The following MAPK10 variants were observed in gnomAD, a reference collection of about 807,000 sequenced individuals.
The protein encoded by MAPK10 is mitogen-activated protein kinase 10.
A neutral mutation model predicts 59.3 loss-of-function variants in MAPK10; 25 were observed. The ratio of observed to expected loss-of-function variants is 0.42; its 90% CI spans 0.31 to 0.59. The LOEUF (loss-of-function observed/expected upper bound fraction) is 0.59, where lower values mean the gene tolerates loss of function less well. MAPK10 is among the 20% of genes least tolerant of loss of function. The pLI, the probability that MAPK10 is intolerant of heterozygous loss-of-function variation, is 0.15. For missense variants in MAPK10, 351 were observed against 568.9 expected, an observed-to-expected ratio of 0.62 and a Z score of 3.90; for synonymous variants, 190 against 200.5, an observed-to-expected ratio of 0.95 and a Z score of 0.44.
At chr4:86,227,779 C>G (rs546778107) in intron 2 of MAPK10, among the ~76,000 whole-genome samples, 2 of 152,336 alleles carry the variant, frequency 1.3e-5, no homozygotes, top group African/African-American at 4.8e-5. Flanking sequence ...GCCTGGCTCT[C>G]TATCCCTGTT....
chr4:86,581,899 T>TTATATATATATA (rs67303972), intron 1 of MAPK10, among the ~76,000 whole-genome samples: 4 of 91,578 alleles, frequency 4.4e-5, no homozygotes, highest in Non-Finnish European at 8.1e-5. Flanking sequence ...GCTATATATA[T>TTATATATATATA]TATATATATA....
At chr4:86,151,318 T>C (rs2066422417) in intron 4 of MAPK10, among the ~76,000 whole-genome samples, 4 of 152,112 alleles carry the variant, frequency 2.6e-5, no homozygotes, top group Admixed American at 2.6e-4. Flanking sequence ...GGAGCTTTCA[T>C]GAAAGTTGTA....
chr4:86,534,420 A>C (rs1446038198), intron 1 of MAPK10, among the ~76,000 whole-genome samples: 1 of 152,138 alleles, frequency 6.6e-6, no homozygotes, highest in East Asian at 1.9e-4. Context: ...TGGAAGACAA[A>C]AGAAACATTA....
At chr4:86,544,354 G>A (rs570742943) in intron 1 of MAPK10, among the ~76,000 whole-genome samples, 59 of 152,256 alleles carry the variant, frequency 3.9e-4, no homozygotes, top group Non-Finnish European at 7.6e-4. Flanking sequence ...AACTTTTTTG[G>A]GGGAATAAAA....
At chr4:86,452,521 GCACA>G (rs140253045) in intron 1 of MAPK10, among the ~76,000 whole-genome samples, 7 of 148,188 alleles carry the variant, frequency 4.7e-5, no homozygotes, top group East Asian at 2.0e-4. Flanking sequence ...CAATGCGCAC[GCACA>G]CACACACACA....
intron 11 of MAPK10, among the ~76,000 whole-genome samples, chr4:86,050,619 G>GT (rs1241647905): frequency 1.3e-5 from 2 of 152,042 alleles, no homozygotes; most frequent in African/African-American, 2.4e-5. Context: ...TGCAAGCCAA[G>GT]TTTTTTGCCT....
chr4:86,168,840 C>T (rs561289202), intron 3 of MAPK10, among the ~76,000 whole-genome samples: 4 of 152,214 alleles, frequency 2.6e-5, no homozygotes, highest in East Asian at 3.9e-4. Context: ...ACACCTCACA[C>T]GGCCGGGTAC....
At chr4:86,515,711 G>C (rs1452686586) in intron 1 of MAPK10, among the ~76,000 whole-genome samples, 1 of 151,802 alleles carries the variant, frequency 6.6e-6, no homozygotes, top group African/African-American at 2.4e-5. Flanking sequence ...TGATTTGTTT[G>C]AGTTCCTTGT....
At chr4:86,115,910 G>C (rs1002216961) in intron 4 of MAPK10, among the ~76,000 whole-genome samples, 4 of 152,210 alleles carry the variant, frequency 2.6e-5, no homozygotes, top group African/African-American at 9.6e-5. Flanking sequence ...TTCTGTGCTT[G>C]TGTTTGTTCT....
At chr4:86,479,772 G>A (rs927860039) in intron 1 of MAPK10, among the ~76,000 whole-genome samples, 21 of 151,934 alleles carry the variant, frequency 1.4e-4, no homozygotes, top group Non-Finnish European at 4.4e-5. Context: ...TTTTCTCCTT[G>A]TCTTATTCCA....
In MAPK10 at chr4:86,093,002, A is replaced by G. The variant is rs556835537; in HGVS notation, c.802+5522T>C. Among the ~76,000 whole-genome samples the G allele has an allele frequency of 6.6e-5, 10 of 152,098 alleles. 1 individual carries two copies. The highest frequency in any genetic ancestry group is 1.3e-4 in the Non-Finnish European group (9 of 67,964). ...TGTTACCAAAATATGATTAATTTTC[A>G]GAGTGAGAACCTCTGAAAATCTCAT... On this transcript the variant is annotated intron_variant, in intron 9 of 13. Transcript: ENST00000641462.
intron 2 of MAPK10, among the ~76,000 whole-genome samples, chr4:86,293,707 C>T (rs1385774600): frequency 1.3e-5 from 2 of 152,026 alleles, no homozygotes; most frequent in East Asian, 3.9e-4. Context: ...TAGTGGAGGG[C>T]AAAGGGGGAG....
At chr4:86,373,763 T>C (rs1739305294) in intron 1 of MAPK10, among the ~76,000 whole-genome samples, 1 of 152,188 alleles carries the variant, frequency 6.6e-6, no homozygotes, top group Non-Finnish European at 1.5e-5. Flanking sequence ...CAACAGATGC[T>C]GGAGATGATG....
At chr4:86,420,368 T>C (rs1197854702) in intron 1 of MAPK10, among the ~76,000 whole-genome samples, 1 of 152,226 alleles carries the variant, frequency 6.6e-6, no homozygotes, top group African/African-American at 2.4e-5. Context: ...CAAGTTCCTG[T>C]TGTTAGAACT....
chr4:86,379,804 C>G (rs1178764569), intron 1 of MAPK10, among the ~76,000 whole-genome samples: 3 of 152,196 alleles, frequency 2.0e-5, no homozygotes, highest in Non-Finnish European at 4.4e-5. Flanking sequence ...TCGAGGCTCT[C>G]AGCTCTGAAG....
In MAPK10 at chr4:86,170,436, G is replaced by T. The variant is rs184676227; in HGVS notation, c.67-10969C>A. Among the ~76,000 whole-genome samples the T allele has an allele frequency of 5.1e-3, 778 of 152,078 alleles. 4 individuals are homozygous for T. Among genetic ancestry groups the T allele is most frequent in the Admixed American group, 0.01 (158 of 15,270 alleles). On this transcript the variant is annotated intron_variant, in intron 3 of 13. Coordinates refer to ENST00000641462, the MANE Select transcript of MAPK10 (RefSeq NM_138982.4). The stretch of plus-strand genomic sequence containing the variant: ...CTAGTCTCTGATAAAACAGAGACTT[G>T]TTGGATTTGTTAAACCAACAAAGAT...
Position 86,198,749 on chromosome 4 carries a change from G to A in MAPK10, c.-6-4342C>T, listed in dbSNP as rs1274006001. The stretch of plus-strand genomic sequence containing the variant: ...TAAACTATATTAAAATTAATAATCT[G>A]TGTATTAAAATATGTGATAATTAGT... On this transcript the variant is annotated intron_variant, in intron 2 of 13. Coordinates refer to ENST00000641462, the MANE Select transcript of MAPK10 (RefSeq NM_138982.4). Among the ~76,000 whole-genome samples the A allele has an allele frequency of 2.6e-5, 4 of 151,608 alleles. No homozygotes were observed. The East Asian group carries it at 5.8e-4, about 22-fold the overall frequency.
At chr4:86,113,323 A>G (rs1346733703) in intron 4 of MAPK10, among the ~76,000 whole-genome samples, 1 of 152,006 alleles carries the variant, frequency 6.6e-6, no homozygotes, top group Admixed American at 6.5e-5. Context: ...TGGTCTCTGT[A>G]CTCCAGCGTG....
intron 2 of MAPK10, among the ~76,000 whole-genome samples, chr4:86,283,369 T>G (rs141875098): frequency 4.9e-4 from 74 of 152,306 alleles, no homozygotes; most frequent in African/African-American, 1.8e-3. Flanking sequence ...CCAGCAGTGC[T>G]GGGCAGCAGA....
Sources: allele counts gnomAD v4.1 joint callset (sites outside exome capture counted in the v4.1 genomes callset), GRCh38; gene constraint gnomAD v4.1.1; transcripts MANE v1.5; gene names NCBI Gene and HGNC (gene_info 2026-07-23, HGNC 2026-07-21).